The following TMEM8B variants were observed in gnomAD, a reference collection of about 807,000 sequenced individuals.
TMEM8B encodes nasopharyngeal carcinoma expressed 6.
In TMEM8B, 29 loss-of-function variants were observed where a neutral mutation model predicts 49.3. The observed-to-expected ratio is 0.59, with a 90% confidence interval of 0.44 to 0.80. The LOEUF (loss-of-function observed/expected upper bound fraction) is 0.80. Among genes scored for constraint, TMEM8B ranks in the 30% least tolerant of loss-of-function variants. The pLI, the probability that TMEM8B is intolerant of heterozygous loss-of-function variation, is 0.00. For missense variants in TMEM8B, 575 were observed against 658.5 expected (o/e 0.87, Z 1.39); for synonymous variants, 264 against 272.8 (o/e 0.97, Z 0.32).
At chr9:35,852,530 G>A (rs1266273323) in intron 10 of TMEM8B, among the ~76,000 whole-genome samples, 2 of 152,112 alleles carry the variant, frequency 1.3e-5, no homozygotes, top group South Asian at 2.1e-4. Flanking sequence ...CAGCTTGAGG[G>A]TATCAGAACC....
Position 35,830,940 on chromosome 9 carries a change from A to C in TMEM8B, c.508+985A>C, listed in dbSNP as rs533693358. 2.2e-3 allele frequency among the ~76,000 whole-genome samples: 332 copies of C among 152,286 alleles called. 4 individuals carry two copies. Among genetic ancestry groups the C allele is most frequent in the African/African-American group, 7.1e-3 (295 of 41,562 alleles). On this transcript the variant is annotated intron_variant, in intron 1 of 12. Transcript: ENST00000643932. ...GATGGCTCCATCATGGAGTGACTGT[A>C]GTCTTCATGGCCCAAGTCTGTAGCC...
chr9:35,855,147 G>A lies in TMEM8B; in HGVS notation c.*1307G>A, dbSNP rs1270696390. 6.6e-6 allele frequency: 1 copy of A among 152,188 alleles called. No individual in the cohort carries two copies. The highest frequency in any genetic ancestry group is 2.4e-5 in the African/African-American group (1 of 41,440). 9.4% of individuals were successfully genotyped at this position (152,188 alleles called of 1,614,324 possible). A position where few individuals can be genotyped will look rare whatever the true frequency, so the allele number is the denominator to read the frequency against. Reference sequence around the variant, plus strand: ...TGGGCCATATGTGGAGACCCGTAAAGTTGTCTAAGGCCTTGGCTATGCAGA... The same window carrying A: ...TGGGCCATATGTGGAGACCCGTAAAATTGTCTAAGGCCTTGGCTATGCAGA... On this transcript the variant is annotated 3_prime_UTR_variant, in exon 13 of 13. Coordinates refer to ENST00000643932, the MANE Select transcript of TMEM8B (RefSeq NM_001042590.4).
intron 3 of TMEM8B, among the ~76,000 whole-genome samples, chr9:35,838,273 G>A (rs769320483): frequency 2.1e-4 from 32 of 151,978 alleles, no homozygotes; most frequent in African/African-American, 4.6e-4. Context: ...CCAATTCCCC[G>A]CCCCAGAGTT....
chr9:35,843,665 C>T lies in TMEM8B; in HGVS notation c.1635+948C>T, dbSNP rs116424870. Among the ~76,000 whole-genome samples, 3 of 152,148 alleles carry T rather than the reference C, an allele frequency of 2.0e-5. No homozygotes were observed. In the East Asian group the frequency reaches 5.8e-4, roughly 29 times the overall value. ...TTTCCCTTTACTTCCTTTGTATTTT[C>T]TTCAAACCAGTTGTATACATTTACT... On this transcript the variant is annotated intron_variant, in intron 6 of 12. Transcript: ENST00000643932.
At chr9:35,838,031 G>C (rs1400234293) in intron 3 of TMEM8B, among the ~76,000 whole-genome samples, 1 of 152,136 alleles carries the variant, frequency 6.6e-6, no homozygotes, top group Non-Finnish European at 1.5e-5. Flanking sequence ...GGAAAGTGAA[G>C]AAGTCGACTG....
At chr9:35,844,411 T>C (rs903348751) in intron 6 of TMEM8B, among the ~76,000 whole-genome samples, 4 of 152,266 alleles carry the variant, frequency 2.6e-5, no homozygotes, top group Non-Finnish European at 5.9e-5. Context: ...CCAGGGATCC[T>C]TTTAACTCTA....
chr9:35,842,317 G>A lies in TMEM8B; in HGVS notation c.1310-75G>A. The A allele has an allele frequency of 8.6e-7, 1 of 1,166,634 alleles. No homozygotes were observed. Among genetic ancestry groups the A allele is most frequent in the South Asian group, 1.7e-5 (1 of 57,322 alleles). 72.3% of individuals were successfully genotyped at this position (1,166,634 alleles called of 1,614,324 possible). On this transcript the variant is annotated intron_variant, in intron 5 of 12. Transcript: ENST00000643932. The surrounding 1 kb of genome is among the most constrained non-coding windows in gnomAD (Gnocchi z 5.6). The stretch of plus-strand genomic sequence containing the variant: ...CCCACTCTTTGCGAAATCCTGTCTA[G>A]CTCAGATGTGTTTATGAGTAAGTTC...
Position 35,841,279 on chromosome 9 carries a change from A to G in TMEM8B, c.1040+12A>G, listed in dbSNP as rs1830956199. The G allele has an allele frequency of 2.4e-6, 1 of 415,308 alleles. No homozygotes were observed. The highest frequency in any genetic ancestry group is 4.4e-5 in the Admixed American group (1 of 22,660). The allele number at this position is 415,308 out of a possible 1,614,324, so 25.7% of individuals were successfully genotyped here. A position where few individuals can be genotyped will look rare whatever the true frequency, so the allele number is the denominator to read the frequency against. On this transcript the variant is annotated intron_variant, in intron 4 of 12. Transcript: ENST00000643932. This position sits in a 1 kb window ranked among gnomAD's most constrained non-coding sequence, Gnocchi z 5.9. ...TCAGCCCTGTACAAGTAAGTCAAAG[A>G]CTCCCCACACCTGGTCCTTTCCCTC...
rs1390715835 is a variant in TMEM8B at position 35,846,597 on chromosome 9, G to T, written c.1982G>T (p.Cys661Phe). 1.3e-6 allele frequency: 2 copies of T among 1,572,498 alleles called. No homozygotes were observed. Among genetic ancestry groups the T allele is most frequent in the Non-Finnish European group, 1.7e-6 (2 of 1,158,676 alleles). ...LRTHNYLYAA[C>F]ECKAGWRGWG... Reference sequence around the variant, plus strand: ...ACACACAATTATCTGTACGCAGCCTGCGAGTGCAAGGCCGGTGAGCAGGCT... The same window carrying T: ...ACACACAATTATCTGTACGCAGCCTTCGAGTGCAAGGCCGGTGAGCAGGCT... The change falls in exon 9 of 13, where the codon TGC becomes TTC. Residue 661 changes from cysteine to phenylalanine, a missense_variant. By Grantham distance (205) the Cys-to-Phe change is radical (BLOSUM62 -2). Transcript: ENST00000643932.
At position 35,841,584 on chromosome 9, in the gene TMEM8B, C is replaced by T. The variant is rs577239001; in HGVS notation, c.1099C>T (p.Arg367Cys). ...AGCACAGCTGGTGTGTGTGGGGGGC[C>T]GTGGGGTATCTGCCTGCCCCCTGTC... ...VSAQLVCVGG[R>C]GVSACPLSLR... is the part of the protein sequence containing the mutation. The change falls in exon 5 of 13, where the codon CGT (arginine) becomes TGT (cysteine). Residue 367 changes from arginine to cysteine, a missense_variant. Arg to Cys is a radical substitution (Grantham distance 180). Transcript: ENST00000643932. This position sits in a 1 kb window ranked among gnomAD's most constrained non-coding sequence, Gnocchi z 5.9. 8 of 416,822 alleles carry T rather than the reference C, an allele frequency of 1.9e-5. No individual in the cohort carries two copies. In the South Asian group the frequency reaches 3.7e-4, roughly 19 times the overall value. The allele number at this position is 416,822 out of a possible 1,614,324, so 25.8% of individuals were successfully genotyped here.
chr9:35,831,940 G>A (rs1829944622), intron 1 of TMEM8B, among the ~76,000 whole-genome samples: 1 of 152,146 alleles, frequency 6.6e-6, no homozygotes, highest in African/African-American at 2.4e-5. Flanking sequence ...CAGTGTCATA[G>A]GACCATCATG....
rs1434362264 is a variant in TMEM8B, at chr9:35,860,913, A to G, written c.*7073A>G. On this transcript the variant is annotated 3_prime_UTR_variant, in exon 13 of 13. Coordinates refer to ENST00000643932, the MANE Select transcript of TMEM8B (RefSeq NM_001042590.4). ...CTGTGGTCTCTCCCAGGTGACCTCC[A>G]TCGCCATGCAGAGCTGCTCTCACTT... is the stretch of plus-strand genomic sequence containing the variant. 1 of 152,252 alleles carries G rather than the reference A, an allele frequency of 6.6e-6. No homozygotes were observed. The highest frequency in any genetic ancestry group is 1.5e-5 in the Non-Finnish European group (1 of 68,068). 9.4% of individuals were successfully genotyped at this position (152,252 alleles called of 1,614,324 possible).
At chr9:35,839,655 G>A (rs902170593) in intron 3 of TMEM8B, among the ~76,000 whole-genome samples, 1 of 152,144 alleles carries the variant, frequency 6.6e-6, no homozygotes, top group Non-Finnish European at 1.5e-5. Flanking sequence ...CAAGGAAATG[G>A]GCCACCACTG....
chr9:35,847,102 C>T (rs763251368), intron 10 of TMEM8B, 107 bp downstream of exon 10: 3 of 1,614,254 alleles, frequency 1.9e-6, no homozygotes, highest in South Asian at 2.2e-5. Context: ...TCTGTGCCTT[C>T]ACTGTGTCTT....
rs1044443809 is a variant in TMEM8B at position 35,829,906 on chromosome 9, G to C, written c.459G>C (p.Pro153=). ...GACTCAAGTCTGGGTTTCAGCTGCC[G>C]CCAGCCCTATTGCTGCTGTTGCTGT... The part of the protein sequence containing the change: ...QPRLKSGFQL[P]PALLLLLLFS... The change falls in exon 1 of 13, where the codon CCG becomes CCC. Residue 153 remains proline, a synonymous_variant. Transcript: ENST00000643932. 1 of 416,014 alleles carries C rather than the reference G, an allele frequency of 2.4e-6. No individual in the cohort carries two copies. The highest frequency in any genetic ancestry group is 2.1e-5 in the African/African-American group (1 of 48,698). The allele number at this position is 416,014 out of a possible 1,614,324, so 25.8% of individuals were successfully genotyped here. A position where few individuals can be genotyped will look rare whatever the true frequency, so the allele number is the denominator to read the frequency against.
rs1214154615 is a variant in TMEM8B at position 35,846,300 on chromosome 9, G to C, written c.1772G>C (p.Arg591Thr). The C allele has an allele frequency of 5.6e-6, 9 of 1,614,220 alleles. No individual in the cohort carries two copies. The change falls in exon 8 of 13, where the codon AGG becomes ACG. Residue 591 changes from arginine to threonine, a missense_variant. By Grantham distance (71) the Arg-to-Thr change is moderately conservative. Transcript: ENST00000643932. ...GFLLSVSATTRVARLRIPFPQ... is the reference protein window; with the variant it reads ...GFLLSVSATTTVARLRIPFPQ... Reference sequence around the variant, plus strand: ...CTCCTCTCTGTCAGTGCCACCACCAGGGTTGCCAGGCTGCGAATCCCATTC... The same window carrying C: ...CTCCTCTCTGTCAGTGCCACCACCACGGTTGCCAGGCTGCGAATCCCATTC...
chr9:35,838,736 C>T (rs753973454), intron 3 of TMEM8B, among the ~76,000 whole-genome samples: 2 of 152,204 alleles, frequency 1.3e-5, no homozygotes, highest in African/African-American at 2.4e-5. Context: ...GCTTCTTTCT[C>T]TAGTCATTGT....
Position 35,841,725 on chromosome 9 carries a change from G to A in TMEM8B, c.1240G>A (p.Val414Met), listed in dbSNP as rs530059731. ...GCCCCCCTGGGGGCACTGGGTCTACGTGCGTGTGGAAACATCATCCCGGGG... is the reference window on the plus strand; with the variant it reads ...GCCCCCCTGGGGGCACTGGGTCTACATGCGTGTGGAAACATCATCCCGGGG... ...ALPPWGHWVY[V>M]RVETSSRGPG... The change falls in exon 5 of 13, where the codon GTG (valine) becomes ATG (methionine). Residue 414 changes from valine to methionine, a missense_variant. Transcript: ENST00000643932. The surrounding 1 kb of genome is among the most constrained non-coding windows in gnomAD (Gnocchi z 5.9). 19 of 415,980 alleles carry A rather than the reference G, an allele frequency of 4.6e-5. No individual in the cohort carries two copies. Among genetic ancestry groups the A allele is most frequent in the East Asian group, 3.6e-4 (10 of 28,072 alleles). The allele number at this position is 415,980 out of a possible 1,614,324, so 25.8% of individuals were successfully genotyped here. A position where few individuals can be genotyped will look rare whatever the true frequency, so the allele number is the denominator to read the frequency against.
intron 10 of TMEM8B, chr9:35,847,247 C>T (rs1326049596): frequency 1.8e-6 from 2 of 1,116,400 alleles, no homozygotes. Context: ...CTGTTCCACA[C>T]TCTGTCCACC....
Sources: gnomAD v4.1 joint callset for allele counts (sites outside exome capture counted in the v4.1 genomes callset) on GRCh38, gnomAD v4.1.1 for gene constraint, Gnocchi (gnomAD v3.1) non-coding constraint, MANE v1.5 for transcripts, NCBI Gene and HGNC (gene_info 2026-07-23, HGNC 2026-07-21) for gene names.